Variants in DGKE observed in about 807,000 individuals in gnomAD.
The protein encoded by DGKE is diacylglycerol kinase epsilon, also known as DAG kinase epsilon.
DGKE carries 53 observed loss-of-function variants against 70.0 expected under a neutral mutation model. The ratio of observed to expected loss-of-function variants is 0.76; its 90% CI spans 0.61 to 0.95. DGKE has a LOEUF of 0.95. Ranked by LOEUF, DGKE falls within the 40% of genes least tolerant of loss-of-function variation. The pLI is 0.00. For missense variants in DGKE, 655 were observed against 706.9 expected, an observed-to-expected ratio of 0.93 and a Z score of 0.83; for synonymous variants, 291 against 257.0, an observed-to-expected ratio of 1.13 and a Z score of -1.27.
At chr17:56,861,698 T>A in intron 9 of DGKE, 93 bp from the exon 10 acceptor site, 6 of 1,536,612 alleles carry the variant, frequency 3.9e-6, no homozygotes, top group Non-Finnish European at 5.3e-6. Context: ...CTCTCATATA[T>A]AAGCACATTT....
chr17:56,843,478 A>G (rs1907107097), intron 2 of DGKE, among the ~76,000 whole-genome samples: 1 of 152,092 alleles, frequency 6.6e-6, no homozygotes, highest in Non-Finnish European at 1.5e-5. Context: ...GATGCCCTGA[A>G]TGGATCTTGG....
Position 56,869,347 on chromosome 17 carries a change from T to G in DGKE, c.*6556T>G, listed in dbSNP as rs1908658960. On this transcript the variant is annotated 3_prime_UTR_variant, in exon 12 of 12. Coordinates refer to ENST00000284061, the MANE Select transcript of DGKE (RefSeq NM_003647.3). ...ATTAGGGCAGGAGAGTGAATGCATC[T>G]TAATATGCATGGCAGAACTGTGTGT... is the stretch of plus-strand genomic sequence containing the variant. The G allele has an allele frequency of 6.6e-6, 1 of 152,244 alleles. No homozygotes were observed. The highest frequency in any genetic ancestry group is 2.4e-5 in the African/African-American group (1 of 41,460). The allele number at this position is 152,244 out of a possible 1,614,324, so 9.4% of individuals were successfully genotyped here.
At chr17:56,850,945 AGGAAGTGATAC>A (rs1907610362) in intron 7 of DGKE, among the ~76,000 whole-genome samples, 1 of 152,192 alleles carries the variant, frequency 6.6e-6, no homozygotes, top group Non-Finnish European at 1.5e-5. Context: ...GAAGATTCAG[AGGAAGTGATAC>A]GGGAGTTGGT....
chr17:56,849,805 G>A (rs1907539006), intron 7 of DGKE, among the ~76,000 whole-genome samples: 2 of 152,158 alleles, frequency 1.3e-5, no homozygotes, highest in Non-Finnish European at 2.9e-5. Flanking sequence ...GGTTTGGGTA[G>A]GAAGAAAATG....
At position 56,844,087 on chromosome 17, in the gene DGKE, A is replaced by G. The variant is rs926471081; in HGVS notation, c.533A>G (p.Asp178Gly). 2.5e-6 allele frequency: 4 copies of G among 1,584,432 alleles called. No homozygotes were observed. Among genetic ancestry groups the G allele is most frequent in the Non-Finnish European group, 3.4e-6 (4 of 1,169,464 alleles). ...MKNSLKNEKC[D>G]FGEFKNLIIP... ...AATAGTTTAAAGAATGAAAAATGTG[A>G]TTTTGGAGAATTCAAAAACCTAATC... The change falls in exon 3 of 12, where the codon GAT becomes GGT. Residue 178 changes from aspartate to glycine, a missense_variant. Transcript: ENST00000284061.
intron 2 of DGKE, among the ~76,000 whole-genome samples, chr17:56,839,623 A>G (rs773277060): frequency 2.0e-5 from 3 of 152,190 alleles, no homozygotes; most frequent in Admixed American, 6.5e-5. Context: ...GGTTCAAGCA[A>G]TCCTCCCACC....
At position 56,866,458 on chromosome 17, in the gene DGKE, A is replaced by C. The variant is rs1211572287; in HGVS notation, c.*3667A>C. The C allele has an allele frequency of 1.3e-5, 2 of 152,240 alleles. No individual in the cohort carries two copies. Among genetic ancestry groups the C allele is most frequent in the African/African-American group, 2.4e-5 (1 of 41,462 alleles). The allele number at this position is 152,240 out of a possible 1,614,324, so 9.4% of individuals were successfully genotyped here. A position where few individuals can be genotyped will look rare whatever the true frequency, so the allele number is the denominator to read the frequency against. On this transcript the variant is annotated 3_prime_UTR_variant, in exon 12 of 12. Transcript: ENST00000284061. The stretch of plus-strand genomic sequence containing the variant: ...GCTAGGTGGGATACCATGCCGAAAA[A>C]TTGAATTAATTGTATGTTCTTAAAA...
rs751228129 is a variant in DGKE at position 56,861,773 on chromosome 17, A to G, written c.1285-18A>G. ...ATTGTGTATCCTGTAGTCACTATCT[A>G]TTTGTATTTCTTTAAAGCTAGAACT... On this transcript the variant is annotated intron_variant, in intron 9 of 11. Transcript: ENST00000284061. 3 of 1,610,086 alleles carry G rather than the reference A, an allele frequency of 1.9e-6. No homozygotes were observed. Among genetic ancestry groups the G allele is most frequent in the South Asian group, 2.2e-5 (2 of 90,464 alleles).
At chr17:56,854,367 G>A (rs1328973088) in intron 7 of DGKE, among the ~76,000 whole-genome samples, 1 of 151,786 alleles carries the variant, frequency 6.6e-6, no homozygotes, top group Admixed American at 6.6e-5. Flanking sequence ...ACCATGCAGT[G>A]GCGTGATCAC....
intron 5 of DGKE, among the ~76,000 whole-genome samples, chr17:56,848,448 A>G (rs989404701): frequency 1.3e-5 from 2 of 152,168 alleles, no homozygotes; most frequent in Non-Finnish European, 2.9e-5. Flanking sequence ...GTGAGCCACT[A>G]TGCCCAACCT....
Position 56,843,613 on chromosome 17 carries a change from C to T in DGKE, c.465-406C>T, listed in dbSNP as rs913964635. On this transcript the variant is annotated intron_variant, in intron 2 of 11. Coordinates refer to ENST00000284061, the MANE Select transcript of DGKE (RefSeq NM_003647.3). The stretch of plus-strand genomic sequence containing the variant: ...TGGAGGTCAAGACCAGCCTGGTCAA[C>T]GTAGTGAAACCCCATCTCTACTAAG... Among the ~76,000 whole-genome samples the T allele has an allele frequency of 5.9e-5, 9 of 152,052 alleles. No homozygotes were observed. In the South Asian group the frequency reaches 8.3e-4, roughly 14 times the overall value.
intron 2 of DGKE, among the ~76,000 whole-genome samples, chr17:56,842,011 G>A (rs1024127164): frequency 3.3e-5 from 5 of 151,912 alleles, no homozygotes; most frequent in East Asian, 3.9e-4. Context: ...TAAATTATAC[G>A]ATATTGACAT....
chr17:56,851,201 G>A (rs1327988268), intron 7 of DGKE, among the ~76,000 whole-genome samples: 2 of 152,036 alleles, frequency 1.3e-5, no homozygotes, highest in Non-Finnish European at 2.9e-5. Flanking sequence ...GTATAGAGTG[G>A]TTCTGAAAAT....
intron 2 of DGKE, among the ~76,000 whole-genome samples, chr17:56,839,256 G>T (rs1284275262): frequency 6.6e-6 from 1 of 152,068 alleles, no homozygotes; most frequent in East Asian, 1.9e-4. Flanking sequence ...TGGGCTTAGG[G>T]TATTCATTTT....
At chr17:56,861,303 AT>A (rs1377975648) in intron 9 of DGKE, among the ~76,000 whole-genome samples, 1 of 152,198 alleles carries the variant, frequency 6.6e-6, no homozygotes, top group Non-Finnish European at 1.5e-5. Context: ...TGGTAAGTAC[AT>A]TGGGGAACAG....
chr17:56,849,217 C>T lies in DGKE; in HGVS notation c.1083C>T (p.Asn361=). 6.2e-7 allele frequency: 1 copy of T among 1,609,870 alleles called. No individual in the cohort carries two copies. Among genetic ancestry groups the T allele is most frequent in the South Asian group, 1.1e-5 (1 of 89,966 alleles). The change falls in exon 7 of 12, where the codon AAC becomes AAT. Residue 361 remains asparagine (N), a synonymous_variant. Coordinates refer to ENST00000284061, the MANE Select transcript of DGKE (RefSeq NM_003647.3). Reference sequence around the variant, plus strand: ...AAGTAACAAATAAAGGATACTACAACTTAAGAAAACCCAAGGTATGTTGTT... The same window carrying T: ...AAGTAACAAATAAAGGATACTACAATTTAAGAAAACCCAAGGTATGTTGTT... ...KVQVTNKGYY[N]LRKPKEFTMN... is the part of the protein sequence containing the mutation.
rs1427610651 is a variant in DGKE, at chr17:56,835,267, C to T, written c.464+8C>T. 1 of 1,599,998 alleles carries T rather than the reference C, an allele frequency of 6.3e-7. No individual in the cohort carries two copies. Among genetic ancestry groups the T allele is most frequent in the Admixed American group, 1.7e-5 (1 of 59,154 alleles). On this transcript the variant is annotated splice_region_variant and intron_variant, in intron 2 of 11. Transcript: ENST00000284061. Reference sequence around the variant, plus strand: ...CAAGCTTTGCGATTACAGGTATGGTCTTCGTGGACACTCACTGTCCCAGAA... The same window carrying T: ...CAAGCTTTGCGATTACAGGTATGGTTTTCGTGGACACTCACTGTCCCAGAA...
chr17:56,850,718 AAG>A (rs1907597130), intron 7 of DGKE, among the ~76,000 whole-genome samples: 2 of 152,298 alleles, frequency 1.3e-5, no homozygotes, highest in South Asian at 4.1e-4. Flanking sequence ...CTTAAGGAGA[AAG>A]AGATCACAGC....
Position 56,834,867 on chromosome 17 carries a change from G to A in DGKE, c.72G>A (p.Leu24=). ...EGLFADGHLI[L]WTLCSVLLPV... is the part of the protein sequence containing the mutation. ...TGTTTGCGGACGGGCACCTGATCTT[G>A]TGGACGCTGTGCTCGGTCCTGCTGC... The change falls in exon 2 of 12, where the codon TTG becomes TTA. Residue 24 remains leucine, a synonymous_variant. Transcript: ENST00000284061. 6.2e-7 allele frequency: 1 copy of A among 1,612,988 alleles called. No homozygotes were observed. The highest frequency in any genetic ancestry group is 2.2e-5 in the East Asian group (1 of 44,846).
Sources: gnomAD v4.1 joint callset for allele counts (sites outside exome capture counted in the v4.1 genomes callset) on GRCh38, gnomAD v4.1.1 for gene constraint, MANE v1.5 for transcripts, NCBI Gene and HGNC (gene_info 2026-07-23, HGNC 2026-07-21) for gene names.